FER1L6: variants seen among roughly 807,000 people sequenced by gnomAD.
FER1L6 encodes fer-1 like family member 6.
Under a neutral mutation model 219.2 loss-of-function variants are expected in FER1L6, and 177 were observed. The observed-to-expected ratio is 0.81, with a 90% CI of 0.71 to 0.91. The LOEUF (loss-of-function observed/expected upper bound fraction) is 0.91. Among genes scored for constraint, FER1L6 ranks in the 40% least tolerant of loss-of-function variants. The pLI is 0.00. For missense variants in FER1L6, 2,153 were observed against 2,259.9 expected, an observed-to-expected ratio of 0.95 and a Z score of 0.96; for synonymous variants, 768 against 824.3, an observed-to-expected ratio of 0.93 and a Z score of 1.17.
Position 124,118,786 on chromosome 8 carries a change from G to A in FER1L6, c.5290-58G>A, listed in dbSNP as rs927141992. On this transcript the variant is annotated intron_variant, in intron 39 of 40. Transcript: ENST00000522917. ...AACTTGGTAACACTTCTAGAAGGTT[G>A]CCATTGGCTCAGTGGGTCTTTGTGA... The A allele has an allele frequency of 1.5e-5, 21 of 1,387,622 alleles. No homozygotes were observed. In the African/African-American group the frequency reaches 2.6e-4, roughly 17 times the overall value. 86.0% of individuals were successfully genotyped at this position (1,387,622 alleles called of 1,614,324 possible). A position where few individuals can be genotyped will look rare whatever the true frequency, so the allele number is the denominator to read the frequency against.
intron 1 of FER1L6, among the ~76,000 whole-genome samples, chr8:123,914,706 C>G (rs1381198799): frequency 6.6e-6 from 1 of 152,166 alleles, no homozygotes. Flanking sequence ...ATATTTCCTT[C>G]TCTTAACAGG....
chr8:123,996,280 C>T (rs1040527247), intron 12 of FER1L6, among the ~76,000 whole-genome samples: 12 of 152,174 alleles, frequency 7.9e-5, no homozygotes, highest in East Asian at 1.9e-4. Context: ...TATTGTGTTG[C>T]GGTCTATCTT....
At chr8:124,024,321 G>A (rs1226482781) in intron 18 of FER1L6, among the ~76,000 whole-genome samples, 1 of 151,962 alleles carries the variant, frequency 6.6e-6, no homozygotes, top group East Asian at 1.9e-4. Context: ...TACAATGTAT[G>A]AATAGGTAGT....
chr8:124,066,501 T>A lies in FER1L6; in HGVS notation c.3629T>A (p.Val1210Glu). 1 of 1,613,944 alleles carries A rather than the reference T, an allele frequency of 6.2e-7. No homozygotes were observed. The highest frequency in any genetic ancestry group is 8.5e-7 in the Non-Finnish European group (1 of 1,179,928). The change falls in exon 27 of 41, where the codon GTG becomes GAG. Residue 1210 changes from valine (V) to glutamate (E), a missense_variant. Val to Glu is a moderately radical substitution (Grantham distance 121, BLOSUM62 -2). Coordinates refer to ENST00000522917, the MANE Select transcript of FER1L6 (RefSeq NM_001039112.2). ...RTIADESAEN[V>E]IDWWSKYYAS... ...ATAGCAGATGAATCTGCTGAAAACG[T>A]GATTGACTGGTGGTCTAAGTATTAT... is the stretch of plus-strand genomic sequence containing the variant.
intron 33 of FER1L6, among the ~76,000 whole-genome samples, chr8:124,084,054 T>C (rs2130920258): frequency 6.6e-6 from 1 of 152,282 alleles, no homozygotes; most frequent in Non-Finnish European, 1.5e-5. Flanking sequence ...CTTTATTTCT[T>C]TTTCACATTG....
At chr8:124,038,523 C>G (rs978687944) in intron 19 of FER1L6, among the ~76,000 whole-genome samples, 1 of 152,178 alleles carries the variant, frequency 6.6e-6, no homozygotes, top group African/African-American at 2.4e-5. Context: ...GTGCTCACCA[C>G]AGGCTCACAT....
intron 2 of FER1L6, among the ~76,000 whole-genome samples, 190 bp downstream of exon 2, chr8:123,956,264 GC>G (rs1815014573): frequency 6.6e-6 from 1 of 152,338 alleles, no homozygotes; most frequent in African/African-American, 2.4e-5. Flanking sequence ...GGTCATCTGG[GC>G]CAAACAGGTG....
intron 25 of FER1L6, 109 bp from the exon 26 acceptor site, chr8:124,064,238 C>T (rs1820722962): frequency 2.3e-6 from 2 of 861,928 alleles, no homozygotes; most frequent in African/African-American, 1.7e-5. Flanking sequence ...GAAATATTAG[C>T]AACCTGACGT....
chr8:123,961,226 T>A (rs1019767214), intron 2 of FER1L6, among the ~76,000 whole-genome samples: 2 of 152,122 alleles, frequency 1.3e-5, no homozygotes, highest in Non-Finnish European at 2.9e-5. Flanking sequence ...TGCCACTGCG[T>A]CCCAGCTCCA....
At chr8:123,876,123 C>T (rs1817000730) in intron 1 of FER1L6, among the ~76,000 whole-genome samples, 1 of 152,196 alleles carries the variant, frequency 6.6e-6, no homozygotes, top group Admixed American at 6.5e-5. Context: ...TTTGTCTATT[C>T]TCTGACCCCA....
intron 1 of FER1L6, among the ~76,000 whole-genome samples, chr8:123,884,033 T>C (rs1817156553): frequency 6.6e-6 from 1 of 152,228 alleles, no homozygotes; most frequent in African/African-American, 2.4e-5. Context: ...ATGACATACA[T>C]ACACTGGGAA....
intron 1 of FER1L6, among the ~76,000 whole-genome samples, chr8:123,914,595 A>G (rs1427622286): frequency 6.6e-6 from 1 of 152,218 alleles, no homozygotes; most frequent in Non-Finnish European, 1.5e-5. Flanking sequence ...GCCTGTGACC[A>G]GGATCTGGAT....
chr8:123,945,081 T>C (rs1391504023), intron 1 of FER1L6, among the ~76,000 whole-genome samples: 2 of 152,216 alleles, frequency 1.3e-5, no homozygotes, highest in Non-Finnish European at 2.9e-5. Context: ...GAGTTTATCA[T>C]CTTCAGTAGC....
intron 1 of FER1L6, among the ~76,000 whole-genome samples, chr8:123,950,420 T>C (rs543301562): frequency 6.6e-6 from 1 of 152,190 alleles, no homozygotes; most frequent in African/African-American, 2.4e-5. Context: ...GGGGCAGTCC[T>C]ACAGCCTTGC....
Position 124,097,712 on chromosome 8 carries a change from G to A in FER1L6, c.4785-73G>A, listed in dbSNP as rs1056547689. 4.7e-6 allele frequency: 4 copies of A among 854,210 alleles called. No individual in the cohort carries two copies. In the African/African-American group the frequency reaches 5.0e-5, roughly 11 times the overall value. 52.9% of individuals were successfully genotyped at this position (854,210 alleles called of 1,614,324 possible). On this transcript the variant is annotated intron_variant, in intron 36 of 40. Transcript: ENST00000522917. ...AGGAAACTTATAGACCAAAGGCAAT[G>A]CTAGAACCACACAGACACCAACTGA...
rs568932796 is a variant in FER1L6 at position 123,853,451 on chromosome 8, G to A, written c.-8+1266G>A. The stretch of plus-strand genomic sequence containing the variant: ...ATTATAGGCGTGAGCCACCGTACCC[G>A]GCCTAAAATAGAAGAAATCATTTTT... On this transcript the variant is annotated intron_variant, in intron 1 of 40. Coordinates refer to ENST00000522917, the MANE Select transcript of FER1L6 (RefSeq NM_001039112.2). This position sits in a 1 kb window ranked among gnomAD's most constrained non-coding sequence, Gnocchi z 6.6. 2.2e-4 allele frequency among the ~76,000 whole-genome samples: 34 copies of A among 152,222 alleles called. No individual in the cohort carries two copies. In the South Asian group the frequency reaches 2.3e-3, roughly 10 times the overall value.
At position 124,060,712 on chromosome 8, in the gene FER1L6, G is replaced by A; in HGVS notation, c.3147+3G>A. The A allele has an allele frequency of 6.2e-7, 1 of 1,613,048 alleles. No individual in the cohort carries two copies. The highest frequency in any genetic ancestry group is 1.3e-5 in the African/African-American group (1 of 75,032). On this transcript the variant is annotated splice_donor_region_variant and intron_variant, in intron 24 of 40. Transcript: ENST00000522917. ...TCCAGGCAGACGCTTTCGAAGTGGT[G>A]CGAGCTTCTCACTCTCCCGACCTGG... is the stretch of plus-strand genomic sequence containing the variant.
In FER1L6 at chr8:123,973,649, A is replaced by G. The variant is rs1183889249; in HGVS notation, c.526+137A>G. On this transcript the variant is annotated intron_variant, in intron 7 of 40. Coordinates refer to ENST00000522917, the MANE Select transcript of FER1L6 (RefSeq NM_001039112.2). ...CACCAGTTATACAAAGTTGAATGAG[A>G]CATAACTCTTGCCCTCAAATGTTTT... 5.7e-6 allele frequency: 4 copies of G among 701,976 alleles called. No individual in the cohort carries two copies. The African/African-American group carries it at 7.0e-5, about 12-fold the overall frequency. The allele number at this position is 701,976 out of a possible 1,614,324, so 43.5% of individuals were successfully genotyped here.
At chr8:123,953,612 C>G (rs911868475) in intron 1 of FER1L6, among the ~76,000 whole-genome samples, 1 of 152,192 alleles carries the variant, frequency 6.6e-6, no homozygotes, top group African/African-American at 2.4e-5. Context: ...GAACTCAGAA[C>G]GCTGAGGCTA....
Sources: allele counts gnomAD v4.1 joint callset (sites outside exome capture counted in the v4.1 genomes callset), GRCh38; gene constraint gnomAD v4.1.1; non-coding constraint Gnocchi (gnomAD v3.1); transcripts MANE v1.5; gene names NCBI Gene and HGNC (gene_info 2026-07-23, HGNC 2026-07-21).